NREP: variants seen among roughly 807,000 people sequenced by gnomAD.
The protein encoded by NREP is neuronal regeneration-related protein.
Under a neutral mutation model 8.6 loss-of-function variants are expected in NREP, and 5 were observed. The observed-to-expected ratio is 0.58, with a 90% CI of 0.30 to 1.22. NREP has a LOEUF of 1.22. NREP is among the 50% of genes most tolerant of loss of function. The pLI is 0.07. For missense variants in NREP, 86 were observed against 82.5 expected (o/e 1.04, Z -0.17); for synonymous variants, 27 against 28.0 (o/e 0.96, Z 0.11).
chr5:111,865,545 C>T (rs116806752), intron 2 of NREP, among the ~76,000 whole-genome samples: 7,272 of 152,226 alleles, frequency 0.048, 604 homozygotes, highest in African/African-American at 0.17. Context: ...AGCAGCAACC[C>T]ATGGCATAGG....
chr5:111,839,121 A>G (rs1398792665), intron 2 of NREP, among the ~76,000 whole-genome samples: 1 of 152,158 alleles, frequency 6.6e-6, no homozygotes, highest in Non-Finnish European at 1.5e-5. Flanking sequence ...ACATACTCAG[A>G]CTTCATCTTC....
At chr5:111,913,322 T>C (rs552913869) in intron 2 of NREP, among the ~76,000 whole-genome samples, 4 of 152,244 alleles carry the variant, frequency 2.6e-5, no homozygotes, top group African/African-American at 7.2e-5. Context: ...TCTAAAATTT[T>C]TCAGGTGTTT....
chr5:111,917,082 T>A (rs1396939460), intron 2 of NREP, among the ~76,000 whole-genome samples: 1 of 152,112 alleles, frequency 6.6e-6, no homozygotes, highest in East Asian at 1.9e-4. Flanking sequence ...TTGTGTCCCT[T>A]TTCCCATGAT....
intron 2 of NREP, among the ~76,000 whole-genome samples, chr5:111,905,480 A>G (rs1448045467): frequency 6.6e-6 from 1 of 152,182 alleles, no homozygotes; most frequent in Non-Finnish European, 1.5e-5. Flanking sequence ...ATAAGGTAAC[A>G]TTCTTGTATA....
At chr5:111,907,048 G>T (rs1754795391) in intron 2 of NREP, among the ~76,000 whole-genome samples, 1 of 151,992 alleles carries the variant, frequency 6.6e-6, no homozygotes, top group African/African-American at 2.4e-5. Flanking sequence ...AAGATTATAG[G>T]CATGAGCCAT....
Position 111,904,994 on chromosome 5 carries a change from C to G in NREP, c.135+70280G>C, listed in dbSNP as rs910606850. ...CTCCCAAAAGAATTACCTGTATTCCCCATATCTCTCTCTCTCTCTCCATTC... is the reference window on the plus strand; with the variant it reads ...CTCCCAAAAGAATTACCTGTATTCCGCATATCTCTCTCTCTCTCTCCATTC... On this transcript the variant is annotated intron_variant, in intron 2 of 3. Coordinates refer to the NREP transcript ENST00000395634. 2.0e-5 allele frequency among the ~76,000 whole-genome samples: 3 copies of G among 152,022 alleles called. No homozygotes were observed. In the South Asian group the frequency reaches 6.2e-4, roughly 32 times the overall value.
chr5:111,874,019 T>C (rs778462856), intron 2 of NREP, among the ~76,000 whole-genome samples: 1 of 151,740 alleles, frequency 6.6e-6, no homozygotes, highest in Non-Finnish European at 1.5e-5. Context: ...GGTGAGTGAT[T>C]GTTATTCTGA....
At chr5:111,929,016 G>A (rs1179965774) in intron 2 of NREP, among the ~76,000 whole-genome samples, 1 of 152,020 alleles carries the variant, frequency 6.6e-6, no homozygotes, top group East Asian at 1.9e-4. Flanking sequence ...AAATGTACTT[G>A]TTTTATATCT....
intron 2 of NREP, among the ~76,000 whole-genome samples, chr5:111,946,646 G>A (rs1755993521): frequency 6.6e-6 from 1 of 151,844 alleles, no homozygotes; most frequent in Non-Finnish European, 1.5e-5. Context: ...CTCTATCAGG[G>A]CCTCTTTTTA....
Position 111,964,886 on chromosome 5 carries a change from A to T in NREP, c.135+10388T>A, listed in dbSNP as rs574200965. On this transcript the variant is annotated intron_variant, in intron 2 of 3. Coordinates refer to the NREP transcript ENST00000395634. Reference sequence around the variant, plus strand: ...AAAAAAAAAAAAAAAAAAAAAAAAAAAAAAAAAAAGAAACCATGTAATTCT... The same window carrying T: ...AAAAAAAAAAAAAAAAAAAAAAAAATAAAAAAAAAGAAACCATGTAATTCT... Among the ~76,000 whole-genome samples, 391 of 141,704 alleles carry T rather than the reference A, an allele frequency of 2.8e-3. 4 individuals are homozygous for T. Among genetic ancestry groups the T allele is most frequent in the Non-Finnish European group, 4.6e-3 (304 of 66,108 alleles). The allele number at this position is 141,704 out of a possible 152,430, so 93.0% of individuals were successfully genotyped here.
At chr5:111,948,584 C>G (rs770649928) in intron 2 of NREP, among the ~76,000 whole-genome samples, 14 of 152,094 alleles carry the variant, frequency 9.2e-5, no homozygotes, top group Admixed American at 3.9e-4. Flanking sequence ...TCCCTGACAA[C>G]TGTGCCTAAC....
At chr5:111,833,992 C>T (rs963906012) in intron 2 of NREP, among the ~76,000 whole-genome samples, 1 of 152,120 alleles carries the variant, frequency 6.6e-6, no homozygotes, top group Non-Finnish European at 1.5e-5. Context: ...CAGTTTTACT[C>T]CCTGTTATAA....
In NREP at chr5:111,741,830, C is replaced by CAGACACACACAG. The variant is rs1554095247; in HGVS notation, c.4-6324_4-6323insCTGTGTGTGTCT. ...CCTAATTTAAACACACACATACACA[C>CAGACACACACAG]ACACACACACACACACACACACACA... On this transcript the variant is annotated intron_variant, in intron 2 of 3. Transcript: ENST00000257435. Among the ~76,000 whole-genome samples the CAGACACACACAG allele has an allele frequency of 3.4e-5, 5 of 148,576 alleles. No homozygotes were observed. In the East Asian group the frequency reaches 6.3e-4, roughly 19 times the overall value.
At chr5:111,782,935 G>C (rs1163241272) in intron 2 of NREP, among the ~76,000 whole-genome samples, 1 of 152,028 alleles carries the variant, frequency 6.6e-6, no homozygotes, top group African/African-American at 2.4e-5. Context: ...GTTTCGCTAT[G>C]TTGGCCAGGC....
chr5:111,840,242 C>G (rs1163206905), intron 2 of NREP, among the ~76,000 whole-genome samples: 5 of 151,894 alleles, frequency 3.3e-5, no homozygotes, highest in African/African-American at 7.2e-5. Flanking sequence ...AAAAAGAGAT[C>G]GGCTAGTATT....
chr5:111,892,652 G>A lies in NREP; in HGVS notation c.135+82622C>T, dbSNP rs1398155656. 2.6e-5 allele frequency among the ~76,000 whole-genome samples: 4 copies of A among 152,148 alleles called. No homozygotes were observed. In the East Asian group the frequency reaches 7.7e-4, roughly 29 times the overall value. ...AAACAAAAAAAGGGAGTGAATGCCT[G>A]AAGGAAATGTGGGTTAAAACTTTGG... On this transcript the variant is annotated intron_variant, in intron 2 of 3. Transcript: ENST00000395634.
chr5:111,768,948 A>G lies in NREP; in HGVS notation c.136-33441T>C, dbSNP rs180753153. Among the ~76,000 whole-genome samples, 277 of 152,360 alleles carry G rather than the reference A, an allele frequency of 1.8e-3. 1 individual carries two copies. The highest frequency in any genetic ancestry group is 6.4e-3 in the African/African-American group (268 of 41,582). On this transcript the variant is annotated intron_variant, in intron 2 of 3. Coordinates refer to the NREP transcript ENST00000395634. ...TTGAGAAATCTCCAAACTGTTTTCCACAGTGGCTGCACTAATTTATTTTCC... is the reference window on the plus strand; with the variant it reads ...TTGAGAAATCTCCAAACTGTTTTCCGCAGTGGCTGCACTAATTTATTTTCC...
intron 2 of NREP, among the ~76,000 whole-genome samples, chr5:111,789,303 T>C (rs1751686149): frequency 6.6e-6 from 1 of 152,212 alleles, no homozygotes; most frequent in Admixed American, 6.5e-5. Flanking sequence ...TCAAACACAT[T>C]GTGCAAAAAA....
At chr5:111,792,081 G>T (rs567675266) in intron 2 of NREP, among the ~76,000 whole-genome samples, 1 of 152,290 alleles carries the variant, frequency 6.6e-6, no homozygotes, top group African/African-American at 2.4e-5. Flanking sequence ...ACCTAGGTGT[G>T]AAGAAACTAT....
Sources: gnomAD v4.1 joint callset for allele counts (sites outside exome capture counted in the v4.1 genomes callset) on GRCh38, gnomAD v4.1.1 for gene constraint, MANE v1.5 for transcripts, NCBI Gene and HGNC (gene_info 2026-07-23, HGNC 2026-07-21) for gene names.